Variants in STX1B observed in about 807,000 individuals in gnomAD.
The protein encoded by STX1B is syntaxin 1B, also known as syntaxin-1B.
A neutral mutation model predicts 39.4 loss-of-function variants in STX1B; 7 were observed. The ratio of observed to expected loss-of-function variants is 0.18; its 90% confidence interval spans 0.10 to 0.33. STX1B has a LOEUF of 0.33. STX1B is among the 10% of genes least tolerant of loss of function. The probability of loss-of-function intolerance (pLI) is 1.00; values close to 1 mark genes in which losing one functional copy is unlikely to be tolerated. For missense variants in STX1B, 198 were observed against 383.2 expected (o/e 0.52, Z 4.04); for synonymous variants, 136 against 144.1 (o/e 0.94, Z 0.40).
intron 5 of STX1B, 37 bp downstream of exon 5, chr16:30,997,465 G>C (rs1365949413): frequency 6.4e-7 from 1 of 1,567,518 alleles, no homozygotes; most frequent in Non-Finnish European, 8.7e-7. Flanking sequence ...CCCGAGCTGG[G>C]TCCCGACCCG....
rs1356117923 is a variant in STX1B at position 31,001,838 on chromosome 16, AT to A, written c.31-236del. ...GGAAAAAGACCCCCTCTCAGGGTGG[AT>A]GTGGCCTTGGGGGCGCAGAGCCAGC... On this transcript the variant is annotated intron_variant, in intron 1 of 9. Coordinates refer to ENST00000215095, the MANE Select transcript of STX1B (RefSeq NM_052874.5). This position sits in a 1 kb window ranked among gnomAD's most constrained non-coding sequence, Gnocchi z 5.5. 8.5e-5 allele frequency among the ~76,000 whole-genome samples: 13 copies of A among 152,306 alleles called. No homozygotes were observed. In the South Asian group the frequency reaches 2.5e-3, roughly 29 times the overall value.
At chr16:30,997,430 C>T in intron 5 of STX1B, 72 bp downstream of exon 5, 1 of 1,386,368 alleles carries the variant, frequency 7.2e-7, no homozygotes, top group Non-Finnish European at 1.0e-6. Flanking sequence ...TGGCCCTGGC[C>T]CGCCGGCCTC....
chr16:31,004,606 C>G (rs2056646913), intron 1 of STX1B, among the ~76,000 whole-genome samples: 1 of 151,236 alleles, frequency 6.6e-6, no homozygotes, highest in African/African-American at 2.4e-5. Context: ...CTCAGGAGGT[C>G]AAGAGACTGC....
chr16:30,993,956 A>T (rs1314997360), intron 7 of STX1B, among the ~76,000 whole-genome samples: 1 of 151,414 alleles, frequency 6.6e-6, no homozygotes, highest in African/African-American at 2.4e-5. Context: ...ACTGCACTCC[A>T]GCCTGGGCAA....
chr16:31,005,470 C>CTTTTTTTTTTTTTTTTTT (rs35407745), intron 1 of STX1B, among the ~76,000 whole-genome samples: 2 of 113,730 alleles, frequency 1.8e-5, no homozygotes, highest in East Asian at 2.6e-4. Context: ...TTTCTTTTTC[C>CTTTTTTTTTTTTTTTTTT]TTTTTTTTTT....
chr16:30,989,478 C>G lies in STX1B; in HGVS notation c.*3343G>C. On this transcript the variant is annotated 3_prime_UTR_variant, in exon 10 of 10. Transcript: ENST00000215095. ...CAGGAGAGGGCGGCCTGGCTCTGGGCCCCAGCCAGGCCCCAGGAGTCCTGT... is the reference window on the plus strand; with the variant it reads ...CAGGAGAGGGCGGCCTGGCTCTGGGGCCCAGCCAGGCCCCAGGAGTCCTGT... The G allele has an allele frequency of 6.6e-6, 1 of 151,980 alleles. No homozygotes were observed. The highest frequency in any genetic ancestry group is 2.1e-4 in the South Asian group (1 of 4,824). 9.4% of individuals were successfully genotyped at this position (151,980 alleles called of 1,614,324 possible).
chr16:31,005,358 G>A (rs543758367), intron 1 of STX1B, among the ~76,000 whole-genome samples: 4 of 152,156 alleles, frequency 2.6e-5, no homozygotes, highest in Non-Finnish European at 5.9e-5. Flanking sequence ...ACAGGTGAAC[G>A]ATTCAAGCCT....
chr16:30,994,149 G>C (rs915650549), intron 7 of STX1B, among the ~76,000 whole-genome samples: 5 of 150,778 alleles, frequency 3.3e-5, no homozygotes, highest in African/African-American at 1.2e-4. Context: ...AAAATTAGCC[G>C]GGTGTGGTGG....
At chr16:31,003,728 A>T (rs2056643355) in intron 1 of STX1B, among the ~76,000 whole-genome samples, 1 of 152,242 alleles carries the variant, frequency 6.6e-6, no homozygotes, top group Admixed American at 6.5e-5. Flanking sequence ...CAAGACAGGA[A>T]GAATGATAGA....
At chr16:31,005,366 C>G (rs561939549) in intron 1 of STX1B, among the ~76,000 whole-genome samples, 10 of 152,274 alleles carry the variant, frequency 6.6e-5, no homozygotes, top group African/African-American at 2.4e-4. Context: ...ACGATTCAAG[C>G]CTCAGTTGCC....
At chr16:31,002,112 C>G (rs572706076) in intron 1 of STX1B, among the ~76,000 whole-genome samples, 1 of 152,134 alleles carries the variant, frequency 6.6e-6, no homozygotes, top group Non-Finnish European at 1.5e-5. Context: ...GTTGAGCAAG[C>G]AGTGAGGGCT....
intron 7 of STX1B, among the ~76,000 whole-genome samples, chr16:30,994,766 G>T (rs1246730614): frequency 6.6e-6 from 1 of 151,812 alleles, no homozygotes; most frequent in Non-Finnish European, 1.5e-5. Context: ...ACTACCCAAG[G>T]CTCCACACCT....
intron 7 of STX1B, among the ~76,000 whole-genome samples, chr16:30,995,471 G>A (rs948871948): frequency 2.0e-4 from 30 of 151,586 alleles, no homozygotes; most frequent in South Asian, 6.3e-4. Flanking sequence ...AACTAGGTTC[G>A]GGGAAAGCCC....
At position 31,001,559 on chromosome 16, in the gene STX1B, C is replaced by A. The variant is rs747223515; in HGVS notation, c.75G>T (p.Arg25=). The A allele has an allele frequency of 6.2e-7, 1 of 1,613,148 alleles. No homozygotes were observed. The highest frequency in any genetic ancestry group is 2.2e-5 in the East Asian group (1 of 44,878). ...DDEEEVVHVD[R]DHFMDEFFEQ... is the part of the protein sequence containing the mutation. ...CAAAGAACTCATCCATGAAGTGGTC[C>A]CGATCCACGTGGACCACCTCCTCTT... Residue 25 remains arginine, a synonymous_variant, in exon 2 of 10, where the codon CGG becomes CGT. Coordinates refer to ENST00000215095, the MANE Select transcript of STX1B (RefSeq NM_052874.5). The surrounding 1 kb of genome is among the most constrained non-coding windows in gnomAD (Gnocchi z 5.5).
At chr16:31,000,833 G>C in intron 4 of STX1B, 95 bp downstream of exon 4, 1 of 1,243,720 alleles carries the variant, frequency 8.0e-7, no homozygotes, top group East Asian at 2.3e-5. Context: ...TCCTGGGATT[G>C]AGCAATTGGC....
intron 7 of STX1B, among the ~76,000 whole-genome samples, chr16:30,993,948 T>C (rs1466484144): frequency 6.7e-6 from 1 of 149,200 alleles, no homozygotes; most frequent in Admixed American, 6.7e-5. Flanking sequence ...ATCACGCCAC[T>C]GCACTCCAGC....
At chr16:30,997,287 A>G (rs978606724) in intron 5 of STX1B, among the ~76,000 whole-genome samples, 17 of 152,266 alleles carry the variant, frequency 1.1e-4, no homozygotes, top group African/African-American at 4.1e-4. Context: ...AACACCAGCT[A>G]GAGACACTGC....
intron 1 of STX1B, among the ~76,000 whole-genome samples, chr16:31,009,545 C>T (rs1336665504): frequency 1.3e-4 from 20 of 151,966 alleles, no homozygotes; most frequent in African/African-American, 4.1e-4. Flanking sequence ...CCATTCTCAT[C>T]GAACCCCACT....
At chr16:30,998,055 TC>T (rs2056604944) in intron 4 of STX1B, among the ~76,000 whole-genome samples, 1 of 152,176 alleles carries the variant, frequency 6.6e-6, no homozygotes, top group African/African-American at 2.4e-5. Flanking sequence ...GGCCCCTCTT[TC>T]CCAGGGGAAT....
Sources: gnomAD v4.1 joint callset for allele counts (sites outside exome capture counted in the v4.1 genomes callset) on GRCh38, gnomAD v4.1.1 for gene constraint, Gnocchi (gnomAD v3.1) non-coding constraint, MANE v1.5 for transcripts, NCBI Gene and HGNC (gene_info 2026-07-23, HGNC 2026-07-21) for gene names.